The following ZFHX3 variants were observed in gnomAD, a reference collection of about 807,000 sequenced individuals.
ZFHX3 encodes zinc finger homeobox 3.
A neutral mutation model predicts 279.1 loss-of-function variants in ZFHX3; 42 were observed. The ratio of observed to expected loss-of-function variants is 0.15; its 90% CI spans 0.12 to 0.19. The LOEUF (loss-of-function observed/expected upper bound fraction) is 0.19, where lower values mean the gene tolerates loss of function less well. ZFHX3 is among the 10% of genes least tolerant of loss of function. ZFHX3 has a pLI of 1.00. For missense variants in ZFHX3, 4,981 were observed against 4,754.0 expected (o/e 1.05, Z -1.40); for synonymous variants, 2,293 against 1,957.8 (o/e 1.17, Z -4.52).
At chr16:73,713,817 A>T (rs2053388638) in intron 1 of ZFHX3, among the ~76,000 whole-genome samples, 1 of 152,104 alleles carries the variant, frequency 6.6e-6, no homozygotes, top group South Asian at 2.1e-4. Flanking sequence ...AAACTTATTG[A>T]TTTTATAGAT....
chr16:73,745,590 C>A (rs563103806), intron 1 of ZFHX3, among the ~76,000 whole-genome samples: 6 of 152,312 alleles, frequency 3.9e-5, no homozygotes, highest in African/African-American at 1.4e-4. Context: ...CTGTTCAAAC[C>A]AAATGCGTGT....
chr16:73,647,463 T>G (rs535994478), intron 2 of ZFHX3, among the ~76,000 whole-genome samples: 108 of 152,266 alleles, frequency 7.1e-4, no homozygotes, highest in Non-Finnish European at 1.3e-3. Flanking sequence ...ATGCGGCACT[T>G]ACCGCTTCAC....
At chr16:73,824,297 G>C (rs1960834319) in intron 1 of ZFHX3, among the ~76,000 whole-genome samples, 1 of 151,632 alleles carries the variant, frequency 6.6e-6, no homozygotes, top group Non-Finnish European at 1.5e-5. Flanking sequence ...AGAAACACTG[G>C]TCTGAACTTT....
chr16:73,449,978 G>A (rs776376689), intron 3 of ZFHX3, among the ~76,000 whole-genome samples: 7 of 151,974 alleles, frequency 4.6e-5, no homozygotes, highest in Non-Finnish European at 7.4e-5. Flanking sequence ...CCCATTAAAT[G>A]CAATACTTCT....
chr16:73,486,109 A>G (rs1351877143), intron 2 of ZFHX3, among the ~76,000 whole-genome samples: 1 of 152,270 alleles, frequency 6.6e-6, no homozygotes, highest in Non-Finnish European at 1.5e-5. Flanking sequence ...AGGCAGCAGA[A>G]TGGGTCTGAA....
chr16:72,831,001 G>A (rs990047836), intron 4 of ZFHX3, among the ~76,000 whole-genome samples: 57 of 152,210 alleles, frequency 3.7e-4, no homozygotes, highest in Non-Finnish European at 6.3e-4. Context: ...ATCCAGCACC[G>A]CCAGAGGTCT....
Position 73,468,031 on chromosome 16 carries a change from A to C in ZFHX3, c.-1546-11773T>G, listed in dbSNP as rs112518985. Among the ~76,000 whole-genome samples, 869 of 152,318 alleles carry C rather than the reference A, an allele frequency of 5.7e-3. 6 individuals carry two copies. Among genetic ancestry groups the C allele is most frequent in the African/African-American group, 0.02 (822 of 41,576 alleles). On this transcript the variant is annotated intron_variant, in intron 2 of 17. Transcript: ENST00000641206. ...TCAGAAGTGGAATTTTGGCCAGTGGAGAAGAAACTTTAGGTGGTGCATCAG... is the reference window on the plus strand; with the variant it reads ...TCAGAAGTGGAATTTTGGCCAGTGGCGAAGAAACTTTAGGTGGTGCATCAG...
At chr16:73,329,406 C>T (rs996275563) in intron 3 of ZFHX3, among the ~76,000 whole-genome samples, 8 of 152,232 alleles carry the variant, frequency 5.3e-5, no homozygotes, top group Admixed American at 2.0e-4. Context: ...TGTTTCTTAG[C>T]GTCTTGTGCG....
intron 5 of ZFHX3, among the ~76,000 whole-genome samples, chr16:73,229,256 T>C (rs953183724): frequency 6.6e-6 from 1 of 152,214 alleles, no homozygotes; most frequent in African/African-American, 2.4e-5. Flanking sequence ...ATTTATCCAT[T>C]AGAATCTTTC....
intron 2 of ZFHX3, among the ~76,000 whole-genome samples, chr16:73,574,619 T>TGAAGG (rs1344496726): frequency 2.0e-5 from 3 of 152,138 alleles, no homozygotes; most frequent in Non-Finnish European, 4.4e-5. Context: ...TGACAATGGG[T>TGAAGG]GAAGGGATTC....
intron 1 of ZFHX3, among the ~76,000 whole-genome samples, chr16:73,020,513 G>A (rs930543249): frequency 6.6e-6 from 1 of 152,152 alleles, no homozygotes; most frequent in South Asian, 2.1e-4. Flanking sequence ...CACAGAAAAC[G>A]GGCAACGCGG....
intron 2 of ZFHX3, among the ~76,000 whole-genome samples, chr16:73,537,645 G>T: frequency 6.6e-6 from 1 of 152,152 alleles, no homozygotes; most frequent in East Asian, 1.9e-4. Context: ...CAAATATAGA[G>T]GCTACAATTG....
chr16:73,430,811 C>T (rs2017896601), intron 3 of ZFHX3, among the ~76,000 whole-genome samples: 2 of 152,324 alleles, frequency 1.3e-5, no homozygotes, highest in Admixed American at 6.5e-5. Context: ...GGCACTATTT[C>T]TTAATCGTTT....
chr16:73,807,340 C>CT lies in ZFHX3; in HGVS notation c.-1608+84310dup, dbSNP rs199914775. ...CCCTCCTTTCTTCCTTGCTTTCTTC[C>CT]TTTTTTTTCAGCCCAAGAGCATTCA... On this transcript the variant is annotated intron_variant, in intron 1 of 17. Coordinates refer to the ZFHX3 transcript ENST00000641206. Among the ~76,000 whole-genome samples the CT allele has an allele frequency of 9.6e-4, 146 of 152,066 alleles. No individual in the cohort carries two copies. In the East Asian group the frequency reaches 0.023, roughly 24 times the overall value.
At chr16:73,663,650 C>A (rs1348768871) in intron 2 of ZFHX3, among the ~76,000 whole-genome samples, 1 of 152,154 alleles carries the variant, frequency 6.6e-6, no homozygotes, top group African/African-American at 2.4e-5. Context: ...TCCCTAAGAC[C>A]CAGAATGTGT....
intron 4 of ZFHX3, among the ~76,000 whole-genome samples, chr16:72,889,515 G>GA (rs903404748): frequency 4.7e-5 from 7 of 149,214 alleles, no homozygotes; most frequent in African/African-American, 9.8e-5. Context: ...AGAAGAAGAA[G>GA]AAGAAAGAAA....
intron 8 of ZFHX3, among the ~76,000 whole-genome samples, chr16:73,065,782 T>C (rs1266928434): frequency 1.3e-5 from 2 of 152,158 alleles, no homozygotes; most frequent in Admixed American, 6.5e-5. Context: ...GCATCAACTT[T>C]CTCTTTTTCA....
chr16:73,373,789 A>G (rs1197586812), intron 3 of ZFHX3, among the ~76,000 whole-genome samples: 1 of 152,240 alleles, frequency 6.6e-6, no homozygotes, highest in Non-Finnish European at 1.5e-5. Context: ...ACTATGATGT[A>G]TGATTTCCCT....
Position 73,788,044 on chromosome 16 carries a change from C to G in ZFHX3, c.-1608+103607G>C, listed in dbSNP as rs575808755. On this transcript the variant is annotated intron_variant, in intron 1 of 17. Transcript: ENST00000641206. ...GAAACCCAGAAGGAACAGTGGAGCACTCTGGGAGCTAAAAAACAACATGGT... is the reference window on the plus strand; with the variant it reads ...GAAACCCAGAAGGAACAGTGGAGCAGTCTGGGAGCTAAAAAACAACATGGT... 1.2e-4 allele frequency among the ~76,000 whole-genome samples: 18 copies of G among 152,190 alleles called. 1 individual carries two copies. The South Asian group carries it at 3.7e-3, about 32-fold the overall frequency.
Sources: gnomAD v4.1 joint callset for allele counts (sites outside exome capture counted in the v4.1 genomes callset) on GRCh38, gnomAD v4.1.1 for gene constraint, MANE v1.5 for transcripts, NCBI Gene and HGNC (gene_info 2026-07-23, HGNC 2026-07-21) for gene names.